LIMA1: variants seen among roughly 807,000 people sequenced by gnomAD.
The protein encoded by LIMA1 is LIM domain and actin-binding protein 1.
Under a neutral mutation model 62.6 loss-of-function variants are expected in LIMA1, and 52 were observed. That is an observed-to-expected ratio of 0.83 (90% CI 0.67 to 1.05). The LOEUF is 1.05. Ranked by LOEUF, LIMA1 falls within the 50% of genes least tolerant of loss-of-function variation. The pLI, the probability that LIMA1 is intolerant of heterozygous loss-of-function variation, is 0.00. For synonymous variants in LIMA1, 302 were observed against 317.8 expected (o/e 0.95, Z 0.53); for missense variants, 780 against 902.2 (o/e 0.86, Z 1.74).
intron 1 of LIMA1, among the ~76,000 whole-genome samples, chr12:50,257,353 AGAGT>A (rs1281317648): frequency 1.3e-5 from 2 of 152,200 alleles, no homozygotes; most frequent in African/African-American, 2.4e-5. Flanking sequence ...GAAGGCCGAA[AGAGT>A]GAGGGTCGTG....
chr12:50,177,417 T>C lies in LIMA1; in HGVS notation c.1927A>G (p.Lys643Glu), dbSNP rs370894196. The C allele has an allele frequency of 2.4e-5, 38 of 1,614,062 alleles. No homozygotes were observed. The highest frequency in any genetic ancestry group is 3.2e-5 in the Non-Finnish European group (38 of 1,180,042). ...GTTTTTCCCACATTCCCATTCTTCT[T>C]AGAAGCCTTGGCATTTTCCACTTGT... Reference protein sequence around the residue: ...RKQVENAKASKKNGNVGKTTW... With the variant: ...RKQVENAKASEKNGNVGKTTW... Residue 643 changes from lysine (K) to glutamate (E), a missense_variant, in exon 11 of 11, where the codon AAG becomes GAG. Coordinates refer to ENST00000341247, the MANE Select transcript of LIMA1 (RefSeq NM_016357.5).
At chr12:50,278,236 C>T (rs1166828897) in intron 1 of LIMA1, among the ~76,000 whole-genome samples, 11 of 151,902 alleles carry the variant, frequency 7.2e-5, no homozygotes, top group Non-Finnish European at 1.0e-4. Context: ...CTGGCTAACA[C>T]GGTGAAACCC....
intron 8 of LIMA1, among the ~76,000 whole-genome samples, chr12:50,194,576 G>C (rs1418825224): frequency 5.3e-5 from 8 of 151,994 alleles, no homozygotes; most frequent in Admixed American, 5.2e-4. Flanking sequence ...GGGATTACAG[G>C]TGTGAGCCAC....
Position 50,196,274 on chromosome 12 carries a change from A to G in LIMA1, c.973-387T>C, listed in dbSNP as rs1940928898. Among the ~76,000 whole-genome samples, 3 of 152,208 alleles carry G rather than the reference A, an allele frequency of 2.0e-5. No homozygotes were observed. The South Asian group carries it at 6.2e-4, about 32-fold the overall frequency. ...ACCATAACCCACTCCAAGGAAAGATAAAGTATTTAAATATAGGAACCATTC... is the reference window on the plus strand; with the variant it reads ...ACCATAACCCACTCCAAGGAAAGATGAAGTATTTAAATATAGGAACCATTC... On this transcript the variant is annotated intron_variant, in intron 7 of 10. Coordinates refer to ENST00000341247, the MANE Select transcript of LIMA1 (RefSeq NM_016357.5).
chr12:50,234,627 C>G (rs1592542693), intron 2 of LIMA1, among the ~76,000 whole-genome samples: 2 of 152,174 alleles, frequency 1.3e-5, no homozygotes, highest in Admixed American at 1.3e-4. Context: ...CAGAACTCAG[C>G]CCCACCCCTA....
intron 1 of LIMA1, among the ~76,000 whole-genome samples, chr12:50,253,037 T>C (rs1022097140): frequency 6.6e-6 from 1 of 152,024 alleles, no homozygotes; most frequent in Non-Finnish European, 1.5e-5. Context: ...AAGAGAGAAA[T>C]TGACAGTTCT....
chr12:50,263,313 C>G (rs1942094104), intron 1 of LIMA1, among the ~76,000 whole-genome samples: 1 of 152,174 alleles, frequency 6.6e-6, no homozygotes, highest in South Asian at 2.1e-4. Context: ...CATTTTGAAT[C>G]TGCCACTAAT....
chr12:50,283,286 G>A (rs1428065330), intron 1 of LIMA1, 134 bp downstream of exon 1: 2 of 151,954 alleles, frequency 1.3e-5, no homozygotes, highest in African/African-American at 4.8e-5. Flanking sequence ...AGCGTCCCTC[G>A]ACCCCTTATC....
chr12:50,251,624 C>CAAAAAAA (rs397850152), intron 1 of LIMA1, among the ~76,000 whole-genome samples: 2 of 81,582 alleles, frequency 2.5e-5, no homozygotes, highest in Non-Finnish European at 2.5e-5. Context: ...GACTCCACCT[C>CAAAAAAA]AAAAAAAAAA....
chr12:50,246,096 G>A (rs764352994), intron 2 of LIMA1, among the ~76,000 whole-genome samples: 1 of 152,074 alleles, frequency 6.6e-6, no homozygotes, highest in Non-Finnish European at 1.5e-5. Context: ...GCCGGGCATG[G>A]TGACATGTGC....
chr12:50,266,470 T>C (rs1163380810), intron 1 of LIMA1, among the ~76,000 whole-genome samples: 3 of 152,234 alleles, frequency 2.0e-5, no homozygotes, highest in African/African-American at 7.2e-5. Context: ...TATCTCAATC[T>C]TTCAGTACCT....
chr12:50,248,555 T>C, intron 2 of LIMA1, 78 bp downstream of exon 2: 2 of 879,606 alleles, frequency 2.3e-6, no homozygotes, highest in Non-Finnish European at 3.8e-6. Flanking sequence ...CATTATGTAC[T>C]TCCTTCACCA....
chr12:50,246,415 C>T (rs1941850159), intron 2 of LIMA1, among the ~76,000 whole-genome samples: 1 of 152,046 alleles, frequency 6.6e-6, no homozygotes, highest in Non-Finnish European at 1.5e-5. Flanking sequence ...AATCACATCT[C>T]AACACCGTCT....
chr12:50,270,656 T>C (rs952586509), intron 1 of LIMA1, among the ~76,000 whole-genome samples: 4 of 145,208 alleles, frequency 2.8e-5, no homozygotes, highest in African/African-American at 1.0e-4. Context: ...AGAACATAAC[T>C]ATAACCTTCC....
At chr12:50,189,099 T>A (rs945877454) in intron 9 of LIMA1, 4 of 152,242 alleles carry the variant, frequency 2.6e-5, no homozygotes, top group African/African-American at 9.7e-5. Flanking sequence ...CATGTACAGA[T>A]TCAATCACCA....
At chr12:50,190,676 G>T in intron 9 of LIMA1, among the ~76,000 whole-genome samples, 1 of 132,350 alleles carries the variant, frequency 7.6e-6, no homozygotes, top group Admixed American at 7.7e-5. Context: ...CACCACACCC[G>T]GCCTCATTTT....
At chr12:50,217,133 T>C (rs779855580) in intron 4 of LIMA1, among the ~76,000 whole-genome samples, 8 of 151,606 alleles carry the variant, frequency 5.3e-5, no homozygotes, top group Non-Finnish European at 8.8e-5. Flanking sequence ...CCTTATCTAG[T>C]AGCAAACATA....
chr12:50,204,181 A>AG (rs1941108416), intron 6 of LIMA1, among the ~76,000 whole-genome samples: 1 of 152,188 alleles, frequency 6.6e-6, no homozygotes, highest in Non-Finnish European at 1.5e-5. Context: ...AGCCAAAATA[A>AG]GCTCTTCAGT....
chr12:50,222,953 A>ATGCAGGATAGT (rs1029483662), intron 3 of LIMA1, among the ~76,000 whole-genome samples: 1 of 152,152 alleles, frequency 6.6e-6, no homozygotes, highest in African/African-American at 2.4e-5. Context: ...TAAGACAAAG[A>ATGCAGGATAGT]TGCAGGATAG....
Sources: gnomAD v4.1 joint callset for allele counts (sites outside exome capture counted in the v4.1 genomes callset) on GRCh38, gnomAD v4.1.1 for gene constraint, MANE v1.5 for transcripts, NCBI Gene and HGNC (gene_info 2026-07-23, HGNC 2026-07-21) for gene names.